Variants in COL26A1 observed in about 807,000 individuals in gnomAD.
The protein encoded by COL26A1 is collagen alpha-1(XXVI) chain.
COL26A1 carries 41 observed loss-of-function variants against 59.3 expected under a neutral mutation model. The observed-to-expected ratio is 0.69, with a 90% confidence interval of 0.54 to 0.90. COL26A1 has a LOEUF of 0.90. COL26A1 is among the 40% of genes least tolerant of loss of function. The pLI is 0.00. For synonymous variants in COL26A1, 266 were observed against 256.0 expected (o/e 1.04, Z -0.37); for missense variants, 612 against 602.3 (o/e 1.02, Z -0.17).
intron 1 of COL26A1, among the ~76,000 whole-genome samples, chr7:101,369,646 G>GCAT (rs1250588424): frequency 1.3e-5 from 2 of 150,996 alleles, no homozygotes; most frequent in Non-Finnish European, 3.0e-5. Flanking sequence ...GTAGAGTTCT[G>GCAT]CATCCATTTT....
At chr7:101,515,083 G>T (rs1443128027) in intron 3 of COL26A1, among the ~76,000 whole-genome samples, 1 of 152,306 alleles carries the variant, frequency 6.6e-6, no homozygotes, top group African/African-American at 2.4e-5. Context: ...CCCTGCCCAC[G>T]GGGCAGGAGC....
chr7:101,534,879 G>T (rs1264018460), intron 4 of COL26A1, among the ~76,000 whole-genome samples: 2 of 152,186 alleles, frequency 1.3e-5, no homozygotes, highest in Non-Finnish European at 2.9e-5. Context: ...CTGCAGGGCT[G>T]TTGAGAGCCT....
chr7:101,414,628 G>A (rs1248726521), intron 1 of COL26A1, among the ~76,000 whole-genome samples: 1 of 152,128 alleles, frequency 6.6e-6, no homozygotes, highest in African/African-American at 2.4e-5. Flanking sequence ...TTAGAGACGA[G>A]GTTTTGCCAT....
At chr7:101,414,102 A>G (rs886821833) in intron 1 of COL26A1, among the ~76,000 whole-genome samples, 29 of 152,248 alleles carry the variant, frequency 1.9e-4, no homozygotes, top group African/African-American at 7.0e-4. Context: ...TTAGAGCTCC[A>G]TCTGGAAAGG....
intron 3 of COL26A1, among the ~76,000 whole-genome samples, chr7:101,526,642 G>C (rs1015380094): frequency 6.6e-6 from 1 of 152,198 alleles, no homozygotes; most frequent in African/African-American, 2.4e-5. Context: ...TTGGGAGGTG[G>C]GTCCTGAATT....
chr7:101,393,946 A>T (rs1255055801), intron 1 of COL26A1, among the ~76,000 whole-genome samples: 9 of 150,714 alleles, frequency 6.0e-5, no homozygotes, highest in African/African-American at 2.2e-4. Flanking sequence ...TAGATTAAAA[A>T]AAAATTTTTT....
At chr7:101,481,207 A>G (rs1794146934) in intron 3 of COL26A1, among the ~76,000 whole-genome samples, 3 of 152,184 alleles carry the variant, frequency 2.0e-5, no homozygotes, top group Admixed American at 1.3e-4. Context: ...GAAGGTTGTC[A>G]TTCCTTATTT....
chr7:101,537,694 G>C (rs1453675899), intron 4 of COL26A1, among the ~76,000 whole-genome samples: 1 of 152,112 alleles, frequency 6.6e-6, no homozygotes, highest in Admixed American at 6.5e-5. Context: ...AGGTCACTTC[G>C]GGGGAAGCCA....
intron 3 of COL26A1, among the ~76,000 whole-genome samples, chr7:101,488,698 A>T (rs1794322955): frequency 6.6e-6 from 1 of 152,094 alleles, no homozygotes; most frequent in Non-Finnish European, 1.5e-5. Flanking sequence ...TAAGCGTTCA[A>T]TTCAGCCGTG....
chr7:101,451,961 C>T (rs1260430465), intron 3 of COL26A1, among the ~76,000 whole-genome samples: 4 of 152,088 alleles, frequency 2.6e-5, no homozygotes, highest in African/African-American at 7.2e-5. Context: ...CACCCATCGG[C>T]GTCCCAAAGT....
chr7:101,556,912 G>A (rs969778358), intron 12 of COL26A1, among the ~76,000 whole-genome samples: 1 of 151,458 alleles, frequency 6.6e-6, no homozygotes, highest in Admixed American at 6.6e-5. Flanking sequence ...TGGATGGATG[G>A]ATGGATGGAT....
intron 1 of COL26A1, among the ~76,000 whole-genome samples, chr7:101,404,968 G>A (rs7785526): frequency 0.79 from 119,776 of 152,078 alleles, 47,905 homozygotes; most frequent in Middle Eastern, 0.9. Flanking sequence ...TCATGCCTAT[G>A]ATCCCAGCAC....
intron 3 of COL26A1, among the ~76,000 whole-genome samples, chr7:101,453,082 G>T (rs565677826): frequency 6.6e-6 from 1 of 152,114 alleles, no homozygotes; most frequent in Non-Finnish European, 1.5e-5. Flanking sequence ...TAATGGGGGT[G>T]GGGGAGCAGA....
At chr7:101,534,899 T>C (rs1795449455) in intron 4 of COL26A1, among the ~76,000 whole-genome samples, 1 of 152,122 alleles carries the variant, frequency 6.6e-6, no homozygotes, top group Non-Finnish European at 1.5e-5. Context: ...TCCAGGGAGA[T>C]GGCAGTGGGA....
At chr7:101,554,167 C>T (rs1584510658) in intron 11 of COL26A1, among the ~76,000 whole-genome samples, 3 of 151,936 alleles carry the variant, frequency 2.0e-5, no homozygotes, top group Admixed American at 2.0e-4. Context: ...GTGGGGGTGC[C>T]ACTGAGATGG....
chr7:101,403,136 G>C (rs531551407), intron 1 of COL26A1, among the ~76,000 whole-genome samples: 135 of 152,160 alleles, frequency 8.9e-4, no homozygotes, highest in Non-Finnish European at 1.5e-3. Context: ...GAGCCACTGC[G>C]TGTGGCCGGC....
intron 3 of COL26A1, among the ~76,000 whole-genome samples, chr7:101,513,196 C>T (rs1288408996): frequency 6.6e-6 from 1 of 151,526 alleles, no homozygotes; most frequent in Non-Finnish European, 1.5e-5. Flanking sequence ...TTTGTAGAGA[C>T]AGGGTTTCAC....
chr7:101,398,191 C>T (rs35571629), intron 1 of COL26A1, among the ~76,000 whole-genome samples: 1 of 152,310 alleles, frequency 6.6e-6, no homozygotes, highest in African/African-American at 2.4e-5. Context: ...ATTCTCCTTT[C>T]GTGGACATTC....
At chr7:101,369,101 A>T (rs1791122270) in intron 1 of COL26A1, among the ~76,000 whole-genome samples, 1 of 151,844 alleles carries the variant, frequency 6.6e-6, no homozygotes, top group African/African-American at 2.4e-5. Context: ...TGTTGTGGAG[A>T]TGGCTCTATC....
Sources: allele counts gnomAD v4.1 joint callset (sites outside exome capture counted in the v4.1 genomes callset), GRCh38; gene constraint gnomAD v4.1.1; transcripts MANE v1.5; gene names NCBI Gene and HGNC (gene_info 2026-07-23, HGNC 2026-07-21).